The following FGF12 variants were observed in gnomAD, a reference collection of about 807,000 sequenced individuals.
FGF12 encodes fibroblast growth factor 12, also known as fibroblast growth factor 12B.
In FGF12, 14 loss-of-function variants were observed where a neutral mutation model predicts 23.6. The observed-to-expected ratio is 0.59, with a 90% CI of 0.39 to 0.93. The LOEUF is 0.93. Ranked by LOEUF, FGF12 falls within the 40% of genes least tolerant of loss-of-function variation. FGF12 has a pLI of 0.00. For synonymous variants in FGF12, 62 were observed against 77.3 expected (o/e 0.80, Z 1.04); for missense variants, 175 against 217.8 (o/e 0.80, Z 1.24).
chr3:192,628,682 T>C (rs1471760250), intron 2 of FGF12, among the ~76,000 whole-genome samples: 3 of 149,800 alleles, frequency 2.0e-5, no homozygotes, highest in Non-Finnish European at 4.4e-5. Context: ...TAAAAAAGTA[T>C]ATATACATTT....
At chr3:192,661,958 CA>C (rs995806723) in intron 2 of FGF12, among the ~76,000 whole-genome samples, 2 of 152,138 alleles carry the variant, frequency 1.3e-5, no homozygotes, top group African/African-American at 4.8e-5. Flanking sequence ...AATTCTACTT[CA>C]AGAAGCTTTA....
chr3:192,656,017 T>G (rs1170598753), intron 2 of FGF12, among the ~76,000 whole-genome samples: 1 of 124,146 alleles, frequency 8.1e-6, no homozygotes, highest in Admixed American at 8.4e-5. Context: ...AGAAAAGAAA[T>G]TCCCTCATCC....
rs78643901 is a variant in FGF12, at chr3:192,221,070, A to C, written c.229-50414T>G. 8.2e-3 allele frequency among the ~76,000 whole-genome samples: 1,256 copies of C among 152,310 alleles called. 11 individuals are homozygous for C. Among genetic ancestry groups the C allele is most frequent in the African/African-American group, 0.029 (1,200 of 41,572 alleles). ...TTTAAAGGGAAGAGTACTGGTAACA[A>C]GATAAGACTGGGTCTCAGCCAAACA... On this transcript the variant is annotated intron_variant, in intron 4 of 5. Coordinates refer to ENST00000445105, the MANE Select transcript of FGF12 (RefSeq NM_004113.6).
At chr3:192,365,606 T>A in intron 2 of FGF12, among the ~76,000 whole-genome samples, 1 of 152,116 alleles carries the variant, frequency 6.6e-6, no homozygotes, top group East Asian at 1.9e-4. Flanking sequence ...ATATTAAAAA[T>A]ACTAAGTACA....
rs1196582920 is a variant in FGF12, at chr3:192,615,489, G to A, written c.13+111692C>T. Among the ~76,000 whole-genome samples the A allele has an allele frequency of 4.0e-5, 6 of 151,750 alleles. No homozygotes were observed. In the East Asian group the frequency reaches 9.7e-4, roughly 25 times the overall value. ...CATTTCCTCACCCCTTACCAGCCCCGCCAGACCCCATACACACTATCCACT... is the reference window on the plus strand; with the variant it reads ...CATTTCCTCACCCCTTACCAGCCCCACCAGACCCCATACACACTATCCACT... On this transcript the variant is annotated intron_variant, in intron 2 of 5. Transcript: ENST00000445105.
At chr3:192,403,836 A>G (rs1392888971) in intron 2 of FGF12, among the ~76,000 whole-genome samples, 2 of 152,208 alleles carry the variant, frequency 1.3e-5, no homozygotes, top group African/African-American at 2.4e-5. Context: ...TTCTTCCTCT[A>G]TGCAAAAGGA....
At chr3:192,395,519 G>A (rs868143247) in intron 2 of FGF12, among the ~76,000 whole-genome samples, 1 of 152,192 alleles carries the variant, frequency 6.6e-6, no homozygotes, top group Non-Finnish European at 1.5e-5. Flanking sequence ...CTATACTGAT[G>A]CCATAAGCAC....
At chr3:192,571,654 C>A (rs1250432440) in intron 2 of FGF12, among the ~76,000 whole-genome samples, 1 of 152,208 alleles carries the variant, frequency 6.6e-6, no homozygotes, top group African/African-American at 2.4e-5. Flanking sequence ...TGTCCTGTGT[C>A]AAGGTTGCTC....
intron 2 of FGF12, among the ~76,000 whole-genome samples, chr3:192,566,940 C>T (rs1383399520): frequency 6.6e-6 from 1 of 152,166 alleles, no homozygotes; most frequent in African/African-American, 2.4e-5. Flanking sequence ...GCACTGAATT[C>T]TCAGATTCCG....
intron 2 of FGF12, among the ~76,000 whole-genome samples, chr3:192,594,499 C>T (rs1240928316): frequency 6.6e-6 from 1 of 151,812 alleles, no homozygotes; most frequent in African/African-American, 2.4e-5. Context: ...AGAATATTGT[C>T]TAAAAAATCT....
At chr3:192,324,503 C>T (rs571773367) in intron 4 of FGF12, among the ~76,000 whole-genome samples, 2 of 152,186 alleles carry the variant, frequency 1.3e-5, no homozygotes, top group African/African-American at 2.4e-5. Flanking sequence ...TAGGGCTTTA[C>T]GTGCATCTTT....
chr3:192,671,938 T>C (rs1397980203), intron 2 of FGF12, among the ~76,000 whole-genome samples: 1 of 152,218 alleles, frequency 6.6e-6, no homozygotes, highest in Non-Finnish European at 1.5e-5. Flanking sequence ...TGGATTTAAA[T>C]AAAACTATCA....
At chr3:192,428,534 C>A (rs1369798200) in intron 2 of FGF12, among the ~76,000 whole-genome samples, 4 of 152,032 alleles carry the variant, frequency 2.6e-5, no homozygotes, top group African/African-American at 4.8e-5. Flanking sequence ...AAAAACACTG[C>A]TTGGAATGTT....
intron 2 of FGF12, among the ~76,000 whole-genome samples, chr3:192,616,489 G>A (rs957644174): frequency 2.6e-5 from 4 of 151,902 alleles, no homozygotes; most frequent in African/African-American, 9.7e-5. Context: ...AATAATTTGA[G>A]TAGCCCTGGA....
intron 2 of FGF12, among the ~76,000 whole-genome samples, chr3:192,580,210 T>A (rs1713075380): frequency 6.6e-6 from 1 of 152,220 alleles, no homozygotes; most frequent in African/African-American, 2.4e-5. Flanking sequence ...ATGCAAGATC[T>A]TATGCAGTGA....
intron 4 of FGF12, among the ~76,000 whole-genome samples, chr3:192,279,837 G>T (rs774057019): frequency 5.3e-5 from 8 of 152,208 alleles, no homozygotes; most frequent in Non-Finnish European, 1.0e-4. Flanking sequence ...ATGGACTAGA[G>T]AGTCTCCAGG....
chr3:192,585,109 A>C (rs1438351562), intron 2 of FGF12, among the ~76,000 whole-genome samples: 2 of 152,194 alleles, frequency 1.3e-5, no homozygotes, highest in African/African-American at 2.4e-5. Flanking sequence ...TCAATAAAGT[A>C]ATGTGGCAAT....
chr3:192,215,519 T>C (rs1456639697), intron 4 of FGF12, among the ~76,000 whole-genome samples: 1 of 152,198 alleles, frequency 6.6e-6, no homozygotes, highest in East Asian at 1.9e-4. Flanking sequence ...ATGTAAGTGC[T>C]TGGCTAATGG....
chr3:192,316,397 C>T (rs1716230544), intron 4 of FGF12, among the ~76,000 whole-genome samples: 1 of 152,156 alleles, frequency 6.6e-6, no homozygotes, highest in Non-Finnish European at 1.5e-5. Context: ...CCTATATCAC[C>T]ACTTTCCCAT....
Sources: gnomAD v4.1 joint callset for allele counts (sites outside exome capture counted in the v4.1 genomes callset) on GRCh38, gnomAD v4.1.1 for gene constraint, MANE v1.5 for transcripts, NCBI Gene and HGNC (gene_info 2026-07-23, HGNC 2026-07-21) for gene names.